Variants in KCNB2 observed in about 807,000 individuals in gnomAD.
The protein encoded by KCNB2 is delayed rectifier potassium channel protein.
In KCNB2, 15 loss-of-function variants were observed where a neutral mutation model predicts 61.5. That is an observed-to-expected ratio of 0.24 (90% CI 0.16 to 0.38). The LOEUF is 0.38. Among genes scored for constraint, KCNB2 ranks in the 10% least tolerant of loss-of-function variants. The probability of loss-of-function intolerance (pLI) is 1.00; values close to 1 mark genes in which losing one functional copy is unlikely to be tolerated. For missense variants in KCNB2, 828 were observed against 1,125.2 expected, an observed-to-expected ratio of 0.74 and a Z score of 3.78; for synonymous variants, 457 against 446.0, an observed-to-expected ratio of 1.02 and a Z score of -0.31.
chr8:72,738,165 T>C (rs1288602836), intron 2 of KCNB2, among the ~76,000 whole-genome samples: 1 of 152,120 alleles, frequency 6.6e-6, no homozygotes, highest in Non-Finnish European at 1.5e-5. Context: ...GAATTGTGTA[T>C]TTTCTCCTGG....
chr8:72,577,634 A>T (rs1806819271), intron 2 of KCNB2, among the ~76,000 whole-genome samples: 1 of 152,074 alleles, frequency 6.6e-6, no homozygotes, highest in Non-Finnish European at 1.5e-5. Flanking sequence ...GCCACCCTAG[A>T]TTTCACGCTT....
At chr8:72,647,168 A>G (rs1806141926) in intron 2 of KCNB2, among the ~76,000 whole-genome samples, 1 of 152,114 alleles carries the variant, frequency 6.6e-6, no homozygotes, top group South Asian at 2.1e-4. Context: ...GTGGAGTTCT[A>G]AAAACCTATC....
At chr8:72,614,368 G>T (rs575779915) in intron 2 of KCNB2, among the ~76,000 whole-genome samples, 5 of 152,186 alleles carry the variant, frequency 3.3e-5, no homozygotes, top group Non-Finnish European at 7.4e-5. Context: ...GGTAGGTGTG[G>T]AATCAGAGAG....
chr8:72,594,972 A>G (rs915032391), intron 2 of KCNB2, among the ~76,000 whole-genome samples: 2 of 152,220 alleles, frequency 1.3e-5, no homozygotes, highest in Non-Finnish European at 2.9e-5. Flanking sequence ...GAATTCGTAC[A>G]AGAACAAAAG....
At chr8:72,555,487 T>C (rs1458651800) in intron 1 of KCNB2, among the ~76,000 whole-genome samples, 2 of 151,884 alleles carry the variant, frequency 1.3e-5, no homozygotes, top group African/African-American at 2.4e-5. Context: ...TAGCTTATTT[T>C]ACACCGACAT....
At chr8:72,766,962 T>C (rs866884382) in intron 2 of KCNB2, among the ~76,000 whole-genome samples, 1 of 152,048 alleles carries the variant, frequency 6.6e-6, no homozygotes, top group Admixed American at 6.6e-5. Flanking sequence ...AGGCACTTCT[T>C]ACATGGCAGC....
At chr8:72,611,064 T>C (rs1805529629) in intron 2 of KCNB2, among the ~76,000 whole-genome samples, 1 of 152,202 alleles carries the variant, frequency 6.6e-6, no homozygotes, top group Non-Finnish European at 1.5e-5. Context: ...GAGATTGCTC[T>C]AAATTTATGA....
chr8:72,655,338 A>C, intron 2 of KCNB2, among the ~76,000 whole-genome samples: 1 of 152,062 alleles, frequency 6.6e-6, no homozygotes, highest in Non-Finnish European at 1.5e-5. Flanking sequence ...AAAACTACCT[A>C]TTGGGTACTA....
chr8:72,707,557 C>T (rs1454505012), intron 2 of KCNB2, among the ~76,000 whole-genome samples: 1 of 152,168 alleles, frequency 6.6e-6, no homozygotes, highest in African/African-American at 2.4e-5. Flanking sequence ...GAAGGCCTGA[C>T]CCCACTCCCA....
At chr8:72,689,712 G>C (rs1233559946) in intron 2 of KCNB2, among the ~76,000 whole-genome samples, 1 of 152,130 alleles carries the variant, frequency 6.6e-6, no homozygotes, top group Non-Finnish European at 1.5e-5. Flanking sequence ...TATCCATGTG[G>C]TGGCATATAT....
chr8:72,567,924 C>T lies in KCNB2; in HGVS notation c.190C>T (p.Leu64Phe). The stretch of plus-strand genomic sequence containing the variant: ...GCTGCCCAGGACGCGCCTGGGGAAG[C>T]TTCGAGACTGCAACACACACGAGAG... The part of the protein sequence containing the change: ...DRLPRTRLGK[L>F]RDCNTHESLL... The change falls in exon 2 of 3, where the codon CTT becomes TTT. Residue 64 changes from leucine (L) to phenylalanine (F), a missense_variant. Coordinates refer to ENST00000523207, the MANE Select transcript of KCNB2 (RefSeq NM_004770.3). 6.2e-7 allele frequency: 1 copy of T among 1,613,828 alleles called. No individual in the cohort carries two copies. Among genetic ancestry groups the T allele is most frequent in the Non-Finnish European group, 8.5e-7 (1 of 1,179,908 alleles).
chr8:72,692,781 ATTAT>A (rs963126799), intron 2 of KCNB2, among the ~76,000 whole-genome samples: 11 of 148,734 alleles, frequency 7.4e-5, no homozygotes, highest in Non-Finnish European at 1.0e-4. Flanking sequence ...TTATTATTTA[ATTAT>A]TTATTTATTT....
chr8:72,767,365 C>T (rs746256535), intron 2 of KCNB2, among the ~76,000 whole-genome samples: 1 of 152,144 alleles, frequency 6.6e-6, no homozygotes, highest in African/African-American at 2.4e-5. Flanking sequence ...AAGTTCACAA[C>T]ATTTTTGTTC....
chr8:72,658,462 C>T (rs527380506), intron 2 of KCNB2, among the ~76,000 whole-genome samples: 15 of 152,122 alleles, frequency 9.9e-5, no homozygotes, highest in Non-Finnish European at 2.2e-4. Flanking sequence ...AAGCCATCCT[C>T]GTATCATCAA....
chr8:72,893,812 G>T (rs1057456005), intron 2 of KCNB2, among the ~76,000 whole-genome samples: 3 of 152,268 alleles, frequency 2.0e-5, no homozygotes, highest in Middle Eastern at 6.8e-3. Flanking sequence ...GAACAGAAAT[G>T]TTCACAGAGA....
chr8:72,928,941 CA>C (rs1396871484), intron 2 of KCNB2, among the ~76,000 whole-genome samples: 1 of 135,580 alleles, frequency 7.4e-6, no homozygotes, highest in Non-Finnish European at 1.8e-5. Flanking sequence ...GGGAGATAAA[CA>C]GTTTTTTTTT....
intron 2 of KCNB2, among the ~76,000 whole-genome samples, chr8:72,875,459 C>A (rs1382243272): frequency 6.6e-6 from 1 of 151,982 alleles, no homozygotes; most frequent in Non-Finnish European, 1.5e-5. Flanking sequence ...AGCCCTGGTC[C>A]AAGTCTTATA....
At chr8:72,739,750 A>G (rs1031794346) in intron 2 of KCNB2, among the ~76,000 whole-genome samples, 4 of 152,156 alleles carry the variant, frequency 2.6e-5, no homozygotes, top group Non-Finnish European at 4.4e-5. Context: ...TGTCCTGTAG[A>G]TCAAAGGAAG....
Position 72,937,943 on chromosome 8 carries a change from G to A in KCNB2, c.2588G>A (p.Cys863Tyr), listed in dbSNP as rs1192761766. The A allele has an allele frequency of 6.2e-7, 1 of 1,614,122 alleles. No homozygotes were observed. The highest frequency in any genetic ancestry group is 1.7e-5 in the Admixed American group (1 of 60,018). Residue 863 changes from cysteine (C) to tyrosine (Y), a missense_variant, in exon 3 of 3, where the codon TGT becomes TAT. By Grantham distance (194) the Cys-to-Tyr change is radical. This residue lies in a region of KCNB2 where 559 missense variants were observed against 588.4 expected (regional missense o/e 0.95). Transcript: ENST00000523207. ...TCCCCGCAGGACACAGGTCACAACT[G>A]TAGGCAAGACATTTACCATGCTGTG... Reference protein sequence around the residue: ...SSSPQDTGHNCRQDIYHAVSE... With the variant: ...SSSPQDTGHNYRQDIYHAVSE...
Sources: allele counts gnomAD v4.1 joint callset (sites outside exome capture counted in the v4.1 genomes callset), GRCh38; gene constraint gnomAD v4.1.1; regional missense constraint gnomAD v4.1.1; transcripts MANE v1.5; gene names NCBI Gene and HGNC (gene_info 2026-07-23, HGNC 2026-07-21).